Variants in SLC9B2 observed in about 807,000 individuals in gnomAD.
SLC9B2 encodes the protein solute carrier family 9 member B2, also known as sodium/hydrogen exchanger 9B2.
Under a neutral mutation model 52.2 loss-of-function variants are expected in SLC9B2, and 39 were observed. That is an observed-to-expected ratio of 0.75 (90% CI 0.58 to 0.98). The LOEUF (loss-of-function observed/expected upper bound fraction) is 0.98. Ranked by LOEUF, SLC9B2 falls within the 50% of genes least tolerant of loss-of-function variation. SLC9B2 has a pLI of 0.00. For missense variants in SLC9B2, 626 were observed against 637.5 expected (o/e 0.98, Z 0.19); for synonymous variants, 214 against 227.0 (o/e 0.94, Z 0.51).
rs1741877293 is a variant in SLC9B2, at chr4:103,022,628, G to C, written c.*3742C>G. Among the ~76,000 whole-genome samples the C allele has an allele frequency of 6.6e-6, 1 of 152,182 alleles. No homozygotes were observed. The highest frequency in any genetic ancestry group is 1.5e-5 in the Non-Finnish European group (1 of 68,036). On this transcript the variant is annotated 3_prime_UTR_variant, in exon 12 of 12. Coordinates refer to ENST00000394785, the MANE Select transcript of SLC9B2 (RefSeq NM_178833.7). ...TGAGATCATTTGCAAATGTTTACCT[G>C]AGGAAATTTTGAGGACATCAAGATC... is the stretch of plus-strand genomic sequence containing the variant.
intron 9 of SLC9B2, among the ~76,000 whole-genome samples, chr4:103,033,497 C>T (rs368434622): frequency 1.7e-4 from 26 of 152,136 alleles, no homozygotes; most frequent in African/African-American, 4.6e-4. Context: ...TATTTCTCTT[C>T]GCAGATTATA....
intron 9 of SLC9B2, among the ~76,000 whole-genome samples, chr4:103,040,319 A>G (rs1163290000): frequency 2.0e-5 from 3 of 152,256 alleles, no homozygotes; most frequent in African/African-American, 7.2e-5. Context: ...GAAGGACTAA[A>G]AAGATTTCTA....
intron 1 of SLC9B2, among the ~76,000 whole-genome samples, chr4:103,074,854 A>T (rs1031331692): frequency 1.3e-5 from 2 of 152,214 alleles, no homozygotes; most frequent in African/African-American, 4.8e-5. Context: ...ATCTAACTCA[A>T]ATGTCACCTT....
At chr4:103,026,915 T>G (rs1236490831) in intron 11 of SLC9B2, among the ~76,000 whole-genome samples, 1 of 152,208 alleles carries the variant, frequency 6.6e-6, no homozygotes, top group Non-Finnish European at 1.5e-5. Flanking sequence ...GTTTTGTTTT[T>G]TTACTTTTTT....
rs745954626 is a variant in SLC9B2, at chr4:103,026,175, CAG to C, written c.*193_*194del. On this transcript the variant is annotated 3_prime_UTR_variant, in exon 12 of 12. Coordinates refer to ENST00000394785, the MANE Select transcript of SLC9B2 (RefSeq NM_178833.7). ...ATGAAGGGGTGTTTGAAAAAAAAGG[CAG>C]AGAGATTAAGGTTGGTGATATAGAT... The C allele has an allele frequency of 6.2e-6, 3 of 483,362 alleles. No individual in the cohort carries two copies. In the South Asian group the frequency reaches 1.2e-4, roughly 19 times the overall value. 29.9% of individuals were successfully genotyped at this position (483,362 alleles called of 1,614,324 possible). A position where few individuals can be genotyped will look rare whatever the true frequency, so the allele number is the denominator to read the frequency against.
chr4:103,019,033 C>A (rs1405361465), downstream of SLC9B2, among the ~76,000 whole-genome samples: 1 of 152,042 alleles, frequency 6.6e-6, no homozygotes, highest in Non-Finnish European at 1.5e-5. Context: ...CCCATCTTGC[C>A]CCCCACCCCA....
At chr4:103,055,356 T>C (rs182435185) in intron 4 of SLC9B2, among the ~76,000 whole-genome samples, 2,248 of 152,270 alleles carry the variant, frequency 0.015, 35 homozygotes, top group Non-Finnish European at 0.023. Context: ...ACCTGCACGT[T>C]GTGCACATGT....
At chr4:103,057,295 T>TAC (rs1296309566) in intron 4 of SLC9B2, among the ~76,000 whole-genome samples, 235 of 146,012 alleles carry the variant, frequency 1.6e-3, no homozygotes, top group Middle Eastern at 3.5e-3. Flanking sequence ...CACACATATA[T>TAC]ACACACACAC....
chr4:103,061,890 A>G (rs1240703752), intron 3 of SLC9B2, among the ~76,000 whole-genome samples: 2 of 152,196 alleles, frequency 1.3e-5, no homozygotes, highest in Non-Finnish European at 2.9e-5. Flanking sequence ...ACTGAATTCA[A>G]TGTCCCTTTT....
intron 3 of SLC9B2, among the ~76,000 whole-genome samples, chr4:103,064,151 T>G (rs1054968958): frequency 1.3e-5 from 2 of 152,224 alleles, no homozygotes; most frequent in Non-Finnish European, 2.9e-5. Context: ...TGGGTATGTA[T>G]CCAAAGGAAA....
chr4:103,030,149 A>G (rs1257855488), intron 10 of SLC9B2, among the ~76,000 whole-genome samples: 1 of 152,134 alleles, frequency 6.6e-6, no homozygotes, highest in Non-Finnish European at 1.5e-5. Flanking sequence ...AGGACATACA[A>G]GTGGTGCTGT....
rs770818093 is a variant in SLC9B2 at position 103,026,438 on chromosome 4, G to T, written c.1546C>A (p.Leu516Ile). 3 of 1,613,870 alleles carry T rather than the reference G, an allele frequency of 1.9e-6. No individual in the cohort carries two copies. Among genetic ancestry groups the T allele is most frequent in the Non-Finnish European group, 2.5e-6 (3 of 1,179,878 alleles). ...TTTTGATGTTCAACTTTCTGCAGAA[G>T]CCTGGGGCCCAGTAAACCAATAAGC... ...SLLIGLLGPR[L>I]LQKVEHQNKD... Residue 516 changes from leucine (L) to isoleucine (I), a missense_variant, in exon 12 of 12, where the codon CTT becomes ATT. Leu to Ile is a conservative substitution (Grantham distance 5, BLOSUM62 2). Transcript: ENST00000394785.
At chr4:103,062,386 T>C (rs1332800790) in intron 3 of SLC9B2, among the ~76,000 whole-genome samples, 1 of 148,710 alleles carries the variant, frequency 6.7e-6, no homozygotes, top group African/African-American at 2.5e-5. Context: ...GCCATTGCAC[T>C]CCAGCCTGGG....
rs1578493726 is a variant in SLC9B2 at position 103,076,492 on chromosome 4, G to A, written c.-351C>T. ...CCGGGGCCCGCAGCGGCAGCCCCGTGTGCCCTCCGCCGGGTTTCAGGTCCG... is the reference window on the plus strand; with the variant it reads ...CCGGGGCCCGCAGCGGCAGCCCCGTATGCCCTCCGCCGGGTTTCAGGTCCG... On this transcript the variant is annotated 5_prime_UTR_variant, in exon 1 of 12. Coordinates refer to ENST00000394785, the MANE Select transcript of SLC9B2 (RefSeq NM_178833.7). 6.6e-6 allele frequency: 1 copy of A among 152,262 alleles called. No homozygotes were observed. The highest frequency in any genetic ancestry group is 6.5e-5 in the Admixed American group (1 of 15,290). The allele number at this position is 152,262 out of a possible 1,614,324, so 9.4% of individuals were successfully genotyped here. A position where few individuals can be genotyped will look rare whatever the true frequency, so the allele number is the denominator to read the frequency against.
intron 9 of SLC9B2, among the ~76,000 whole-genome samples, chr4:103,038,303 A>G (rs1743347934): frequency 6.6e-6 from 1 of 152,244 alleles, no homozygotes; most frequent in Admixed American, 6.5e-5. Flanking sequence ...AATACAAATG[A>G]AAGTAGGACT....
chr4:103,031,805 C>T lies in SLC9B2; in HGVS notation c.1150G>A (p.Glu384Lys). ...AGMGWTSEKA[E>K]VEKIIAVAWD... Reference sequence around the variant, plus strand: ...GCAACTGCAATTATCTTTTCAACCTCTGCCTAAAATAACAATAAAACACAC... The same window carrying T: ...GCAACTGCAATTATCTTTTCAACCTTTGCCTAAAATAACAATAAAACACAC... Residue 384 changes from glutamate to lysine, a missense_variant, in exon 10 of 12, where the codon GAG (glutamate) becomes AAG (lysine). Coordinates refer to ENST00000394785, the MANE Select transcript of SLC9B2 (RefSeq NM_178833.7). 1 of 1,611,944 alleles carries T rather than the reference C, an allele frequency of 6.2e-7. No homozygotes were observed. The highest frequency in any genetic ancestry group is 1.1e-5 in the South Asian group (1 of 90,974).
At chr4:103,028,082 T>C (rs1418944703) in intron 11 of SLC9B2, among the ~76,000 whole-genome samples, 2 of 152,274 alleles carry the variant, frequency 1.3e-5, no homozygotes, top group Admixed American at 6.5e-5. Context: ...TTAGCAATCA[T>C]AGATATTCTA....
chr4:103,036,969 G>GA (rs914229301), intron 9 of SLC9B2, among the ~76,000 whole-genome samples: 1 of 150,254 alleles, frequency 6.7e-6, no homozygotes, highest in Non-Finnish European at 1.5e-5. Context: ...TTCCAACAAT[G>GA]AAAAAAAAAT....
chr4:103,075,004 G>T (rs555522586), intron 1 of SLC9B2, among the ~76,000 whole-genome samples: 3 of 152,068 alleles, frequency 2.0e-5, no homozygotes, highest in Admixed American at 6.5e-5. Context: ...AGAAGTGAAC[G>T]GTCTTAAATA....
Sources: allele counts gnomAD v4.1 joint callset (sites outside exome capture counted in the v4.1 genomes callset), GRCh38; gene constraint gnomAD v4.1.1; transcripts MANE v1.5; gene names NCBI Gene and HGNC (gene_info 2026-07-23, HGNC 2026-07-21).